Variants in SNRNP40 observed in about 807,000 individuals in gnomAD.
SNRNP40 encodes the protein U5 small nuclear ribonucleoprotein 40 kDa protein.
Under a neutral mutation model 45.8 loss-of-function variants are expected in SNRNP40, and 21 were observed. That is an observed-to-expected ratio of 0.46 (90% CI 0.32 to 0.66). The LOEUF (loss-of-function observed/expected upper bound fraction) is 0.66, where lower values mean the gene tolerates loss of function less well. Ranked by LOEUF, SNRNP40 falls within the 30% of genes least tolerant of loss-of-function variation. The pLI, the probability that SNRNP40 is intolerant of heterozygous loss-of-function variation, is 0.03. For missense variants in SNRNP40, 344 were observed against 439.1 expected, an observed-to-expected ratio of 0.78 and a Z score of 1.94; for synonymous variants, 142 against 163.8, an observed-to-expected ratio of 0.87 and a Z score of 1.01.
chr1:31,289,166 C>A, intron 4 of SNRNP40, 88 bp downstream of exon 4: 1 of 1,244,170 alleles, frequency 8.0e-7, no homozygotes, highest in Non-Finnish European at 1.1e-6. Context: ...TTAAGTTTTG[C>A]ACAGGAAGCT....
rs1468368258 is a variant in SNRNP40 at position 31,261,556 on chromosome 1, C to T, written c.997G>A (p.Val333Met). 6 of 1,613,770 alleles carry T rather than the reference C, an allele frequency of 3.7e-6. No individual in the cohort carries two copies. The South Asian group carries it at 6.6e-5, about 18-fold the overall frequency. ...ATGGGCTCATCAGGGTGGAAAGCCA[C>T]TTCATTGATGGAGCCAGCATGGCCG... Reference protein sequence around the residue: ...LPGHAGSINEVAFHPDEPIII... With the variant: ...LPGHAGSINEMAFHPDEPIII... Residue 333 changes from valine to methionine, a missense_variant, in exon 9 of 10, where the codon GTG (valine) becomes ATG (methionine). Transcript: ENST00000263694.
In SNRNP40 at chr1:31,271,220, T is replaced by A. The variant is rs1569642020; in HGVS notation, c.775+159A>T. ...GAAGAAATGCTGTGTGCAAAGTTGT[T>A]CAGGGACAAGACAGAGATCTGAGAC... On this transcript the variant is annotated intron_variant, in intron 6 of 9. Transcript: ENST00000263694. The A allele has an allele frequency of 6.0e-6, 4 of 670,402 alleles. No homozygotes were observed. In the East Asian group the frequency reaches 1.1e-4, roughly 18 times the overall value. The allele number at this position is 670,402 out of a possible 1,614,324, so 41.5% of individuals were successfully genotyped here. A position where few individuals can be genotyped will look rare whatever the true frequency, so the allele number is the denominator to read the frequency against.
chr1:31,274,462 C>T (rs1387607847), intron 5 of SNRNP40, among the ~76,000 whole-genome samples: 4 of 151,916 alleles, frequency 2.6e-5, no homozygotes, highest in African/African-American at 7.3e-5. Context: ...AGGATGGTCT[C>T]GATCTCTTGA....
intron 1 of SNRNP40, among the ~76,000 whole-genome samples, chr1:31,294,731 A>G (rs1646129826): frequency 6.6e-6 from 1 of 151,622 alleles, no homozygotes; most frequent in African/African-American, 2.4e-5. Context: ...CTTGAGGTCA[A>G]AAGTTTGAGA....
intron 3 of SNRNP40, 27 bp from the exon 4 acceptor site, chr1:31,289,446 A>C (rs745570718): frequency 6.3e-7 from 1 of 1,591,216 alleles, no homozygotes; most frequent in Non-Finnish European, 8.6e-7. Flanking sequence ...AGAATAAAAA[A>C]GAAATAAGTG....
chr1:31,278,873 G>A (rs1645994052), intron 5 of SNRNP40, among the ~76,000 whole-genome samples: 1 of 152,082 alleles, frequency 6.6e-6, no homozygotes, highest in South Asian at 2.1e-4. Context: ...AAGGCCCTTG[G>A]CGAATAATGA....
At chr1:31,289,139 G>T in intron 4 of SNRNP40, 115 bp downstream of exon 4, 1 of 875,654 alleles carries the variant, frequency 1.1e-6, no homozygotes, top group South Asian at 1.8e-5. Flanking sequence ...GTGTGTTATG[G>T]GAGATGACTG....
Position 31,277,649 on chromosome 1 carries a change from T to C in SNRNP40, c.654+3725A>G, listed in dbSNP as rs577834202. 2.0e-5 allele frequency among the ~76,000 whole-genome samples: 3 copies of C among 152,304 alleles called. No individual in the cohort carries two copies. The East Asian group carries it at 5.8e-4, about 29-fold the overall frequency. ...AAAAAAATTCCCCGAAAATGAAGCA[T>C]TGGCAGAAAAATTTGAATGTTTGTG... is the stretch of plus-strand genomic sequence containing the variant. On this transcript the variant is annotated intron_variant, in intron 5 of 9. Transcript: ENST00000263694.
chr1:31,269,355 G>C (rs755278477), intron 6 of SNRNP40, 115 bp from the exon 7 acceptor site: 105 of 1,504,456 alleles, frequency 7.0e-5, no homozygotes, highest in Admixed American at 9.6e-5. Flanking sequence ...TGTTTCCTCG[G>C]TGGGCAAAGT....
intron 5 of SNRNP40, among the ~76,000 whole-genome samples, chr1:31,275,992 T>C (rs984640676): frequency 6.6e-6 from 1 of 152,224 alleles, no homozygotes; most frequent in African/African-American, 2.4e-5. Context: ...TAATCTGTGA[T>C]AATGATTCAC....
At chr1:31,273,919 A>G (rs540487734) in intron 5 of SNRNP40, among the ~76,000 whole-genome samples, 62 of 152,280 alleles carry the variant, frequency 4.1e-4, no homozygotes, top group Middle Eastern at 6.8e-3. Flanking sequence ...TTTCACAGAA[A>G]ATGAAGCACC....
intron 5 of SNRNP40, among the ~76,000 whole-genome samples, chr1:31,271,973 G>A (rs1241195791): frequency 6.6e-6 from 1 of 152,128 alleles, no homozygotes; most frequent in African/African-American, 2.4e-5. Context: ...AGGCTACCAC[G>A]TTTGACTAGA....
In SNRNP40 at chr1:31,260,133, A is replaced by G. The variant is rs751637797; in HGVS notation, c.1025-12T>C. 11 of 1,566,642 alleles carry G rather than the reference A, an allele frequency of 7.0e-6. No homozygotes were observed. Among genetic ancestry groups the G allele is most frequent in the Middle Eastern group, 1.7e-4 (1 of 5,820 alleles). ...CGATGCTGAGATAACTGAGGTAAAA[A>G]GAACAGATAACTAGAAATAATGAAG... On this transcript the variant is annotated splice_polypyrimidine_tract_variant and intron_variant, in intron 9 of 9. Coordinates refer to ENST00000263694, the MANE Select transcript of SNRNP40 (RefSeq NM_004814.3).
intron 6 of SNRNP40, 78 bp downstream of exon 6, chr1:31,271,301 C>G: frequency 7.0e-7 from 1 of 1,436,120 alleles, no homozygotes; most frequent in Non-Finnish European, 9.5e-7. Context: ...ACAACACATT[C>G]TAATCGTCTG....
intron 5 of SNRNP40, among the ~76,000 whole-genome samples, chr1:31,277,624 A>T (rs998610840): frequency 3.9e-5 from 6 of 152,348 alleles, no homozygotes; most frequent in South Asian, 2.1e-4. Flanking sequence ...ACTTCTAATT[A>T]AAAAAATTCC....
At chr1:31,291,575 A>G (rs1459991768) in intron 3 of SNRNP40, among the ~76,000 whole-genome samples, 1 of 152,138 alleles carries the variant, frequency 6.6e-6, no homozygotes, top group Non-Finnish European at 1.5e-5. Context: ...GCTATTTGGG[A>G]GGCTGAAGTG....
At chr1:31,270,126 C>T (rs536242226) in intron 6 of SNRNP40, among the ~76,000 whole-genome samples, 58 of 152,222 alleles carry the variant, frequency 3.8e-4, no homozygotes, top group African/African-American at 1.3e-3. Flanking sequence ...TGGTCTCAAA[C>T]TCCTGACCTC....
At chr1:31,290,851 C>T (rs1438400698) in intron 3 of SNRNP40, among the ~76,000 whole-genome samples, 1 of 151,620 alleles carries the variant, frequency 6.6e-6, no homozygotes, top group African/African-American at 2.4e-5. Flanking sequence ...GCACTCCAGA[C>T]TGGGCGACAG....
chr1:31,282,261 T>C (rs1405639319), intron 4 of SNRNP40: 1 of 152,138 alleles, frequency 6.6e-6, no homozygotes, highest in Non-Finnish European at 1.5e-5. Flanking sequence ...CTCTGAAGGA[T>C]GAGCCCAAAG....
Sources: allele counts gnomAD v4.1 joint callset (sites outside exome capture counted in the v4.1 genomes callset), GRCh38; gene constraint gnomAD v4.1.1; transcripts MANE v1.5; gene names NCBI Gene and HGNC (gene_info 2026-07-23, HGNC 2026-07-21).